The following GMDS variants were observed in gnomAD, a reference collection of about 807,000 sequenced individuals.
GMDS encodes the protein GDP-mannose 4,6-dehydratase, also known as GDP-mannose 4,6 dehydratase.
GMDS carries 20 observed loss-of-function variants against 49.9 expected under a neutral mutation model. The observed-to-expected ratio is 0.40, with a 90% CI of 0.28 to 0.58. The LOEUF (loss-of-function observed/expected upper bound fraction) is 0.58, where lower values mean the gene tolerates loss of function less well. Ranked by LOEUF, GMDS falls within the 20% of genes least tolerant of loss-of-function variation. The pLI is 0.42. For missense variants in GMDS, 362 were observed against 481.4 expected (o/e 0.75, Z 2.32); for synonymous variants, 177 against 178.6 (o/e 0.99, Z 0.07).
chr6:2,022,123 C>G (rs1768313211), intron 4 of GMDS, among the ~76,000 whole-genome samples: 1 of 152,078 alleles, frequency 6.6e-6, no homozygotes, highest in African/African-American at 2.4e-5. Flanking sequence ...ACACAGGCAA[C>G]TCTTATAAGC....
At chr6:1,985,094 A>G (rs968187546) in intron 4 of GMDS, among the ~76,000 whole-genome samples, 1 of 152,220 alleles carries the variant, frequency 6.6e-6, no homozygotes, top group Non-Finnish European at 1.5e-5. Context: ...AGATCAAAGA[A>G]GTTGTTTCTT....
chr6:1,684,234 C>T (rs148083915), intron 9 of GMDS, among the ~76,000 whole-genome samples: 66 of 152,134 alleles, frequency 4.3e-4, no homozygotes, highest in Non-Finnish European at 7.3e-4. Flanking sequence ...GGATGTGGGG[C>T]GGCTGGAAGT....
chr6:1,652,396 ATATATATATATAT>A (rs1408701442), intron 9 of GMDS, among the ~76,000 whole-genome samples: 11 of 5,168 alleles, frequency 2.1e-3, no homozygotes, highest in African/African-American at 4.7e-3. Flanking sequence ...TATATATTAT[ATATATATATATAT>A]TATATATAAT....
intron 4 of GMDS, among the ~76,000 whole-genome samples, chr6:1,988,493 G>A (rs1471861397): frequency 6.6e-6 from 1 of 152,082 alleles, no homozygotes; most frequent in Non-Finnish European, 1.5e-5. Flanking sequence ...CCAAACCCAG[G>A]GTGCTCCAGA....
At chr6:1,904,076 G>A (rs1013153785) in intron 7 of GMDS, among the ~76,000 whole-genome samples, 1 of 152,180 alleles carries the variant, frequency 6.6e-6, no homozygotes, top group Non-Finnish European at 1.5e-5. Context: ...AAGCGCTGTT[G>A]AATGTTGAGC....
intron 4 of GMDS, among the ~76,000 whole-genome samples, chr6:2,011,222 G>A (rs1028784943): frequency 1.3e-4 from 20 of 152,066 alleles, no homozygotes; most frequent in Non-Finnish European, 2.2e-4. Flanking sequence ...TCTAATCAGG[G>A]AAATGCAAAT....
At chr6:1,698,810 G>A (rs1765440324) in intron 9 of GMDS, among the ~76,000 whole-genome samples, 1 of 142,832 alleles carries the variant, frequency 7.0e-6, no homozygotes, top group African/African-American at 2.6e-5. Context: ...TTTTTTGGTG[G>A]GGGCACATAT....
intron 4 of GMDS, among the ~76,000 whole-genome samples, chr6:2,105,220 C>T (rs544401732): frequency 1.3e-4 from 19 of 146,818 alleles, no homozygotes; most frequent in African/African-American, 3.8e-4. Context: ...GATCACTAAA[C>T]CAAAACACTT....
intron 4 of GMDS, among the ~76,000 whole-genome samples, chr6:1,996,475 T>C (rs899413166): frequency 2.6e-5 from 4 of 152,236 alleles, no homozygotes; most frequent in Admixed American, 2.6e-4. Context: ...TAGAGAAGTT[T>C]AAATAAGATG....
intron 7 of GMDS, among the ~76,000 whole-genome samples, chr6:1,848,670 G>C (rs1757522288): frequency 6.6e-6 from 1 of 152,216 alleles, no homozygotes; most frequent in African/African-American, 2.4e-5. Context: ...TTTGAAGATA[G>C]TGGGGTGGGA....
intron 9 of GMDS, among the ~76,000 whole-genome samples, chr6:1,662,094 G>A (rs1764097737): frequency 2.0e-5 from 3 of 152,234 alleles, no homozygotes; most frequent in South Asian, 2.1e-4. Flanking sequence ...GGCATTGTGC[G>A]GGACTGGGAA....
intron 7 of GMDS, among the ~76,000 whole-genome samples, chr6:1,859,857 A>C (rs949473413): frequency 6.6e-6 from 1 of 152,250 alleles, no homozygotes; most frequent in African/African-American, 2.4e-5. Flanking sequence ...AAACATCATA[A>C]TGTATTATTT....
chr6:2,117,425 A>T lies in GMDS; in HGVS notation c.235+44T>A, dbSNP rs200059821. On this transcript the variant is annotated intron_variant, in intron 3 of 10. Coordinates refer to ENST00000380815, the MANE Select transcript of GMDS (RefSeq NM_001500.4). Reference sequence around the variant, plus strand: ...CTTATCTGAACATAGGAACATCTGAAAACACCTTATAGAAAGAGATTCTAG... The same window carrying T: ...CTTATCTGAACATAGGAACATCTGATAACACCTTATAGAAAGAGATTCTAG... 64 of 1,137,034 alleles carry T rather than the reference A, an allele frequency of 5.6e-5. No homozygotes were observed. The African/African-American group carries it at 9.1e-4, about 16-fold the overall frequency. 70.4% of individuals were successfully genotyped at this position (1,137,034 alleles called of 1,614,324 possible). A position where few individuals can be genotyped will look rare whatever the true frequency, so the allele number is the denominator to read the frequency against.
chr6:2,157,891 CA>C (rs1672552234), intron 1 of GMDS, among the ~76,000 whole-genome samples: 1 of 152,082 alleles, frequency 6.6e-6, no homozygotes, highest in African/African-American at 2.4e-5. Flanking sequence ...AGAAGCAGAA[CA>C]AATACAGATG....
intron 1 of GMDS, among the ~76,000 whole-genome samples, chr6:2,157,072 TGACA>T (rs1168869559): frequency 1.3e-5 from 2 of 152,240 alleles, no homozygotes; most frequent in Non-Finnish European, 2.9e-5. Flanking sequence ...CTGCAGTGAC[TGACA>T]GACTCACTAA....
intron 7 of GMDS, among the ~76,000 whole-genome samples, chr6:1,861,628 A>G (rs1011266717): frequency 6.6e-6 from 1 of 151,514 alleles, no homozygotes; most frequent in Non-Finnish European, 1.5e-5. Context: ...CAAAAAAAAA[A>G]AAAAGAAAAA....
chr6:1,691,025 A>G (rs1396718137), intron 9 of GMDS, among the ~76,000 whole-genome samples: 1 of 152,210 alleles, frequency 6.6e-6, no homozygotes, highest in East Asian at 1.9e-4. Flanking sequence ...ACCCAAAGGA[A>G]CATAAACCAT....
intron 7 of GMDS, among the ~76,000 whole-genome samples, chr6:1,781,699 A>G (rs779169825): frequency 2.0e-5 from 3 of 152,190 alleles, no homozygotes; most frequent in Admixed American, 6.5e-5. Flanking sequence ...TATCCTCTGA[A>G]ATGAACCCTG....
chr6:1,877,944 C>T (rs1350783328), intron 7 of GMDS, among the ~76,000 whole-genome samples: 3 of 152,146 alleles, frequency 2.0e-5, no homozygotes, highest in African/African-American at 7.2e-5. Context: ...CTCTCTTCAG[C>T]CCTCTTGGCC....
Sources: gnomAD v4.1 joint callset for allele counts (sites outside exome capture counted in the v4.1 genomes callset) on GRCh38, gnomAD v4.1.1 for gene constraint, MANE v1.5 for transcripts, NCBI Gene and HGNC (gene_info 2026-07-23, HGNC 2026-07-21) for gene names.